The following CFAP47 variants were observed in gnomAD, a reference collection of about 807,000 sequenced individuals.
CFAP47 encodes cilia- and flagella-associated protein 47.
A neutral mutation model predicts 148.1 loss-of-function variants in CFAP47; 29 were observed. The ratio of observed to expected loss-of-function variants is 0.20; its 90% CI spans 0.15 to 0.27. The LOEUF is 0.27. CFAP47 is among the 10% of genes least tolerant of loss of function. The pLI is 1.00. For synonymous variants in CFAP47, 664 were observed against 577.3 expected, an observed-to-expected ratio of 1.15 and a Z score of -2.15; for missense variants, 1,872 against 1,697.5, an observed-to-expected ratio of 1.10 and a Z score of -1.81.
At chrX:35,961,056 C>T (rs1936323500) in intron 8 of CFAP47, among the ~76,000 whole-genome samples, 1 of 111,130 alleles carries the variant, frequency 9.0e-6, no homozygotes, top group Admixed American at 9.6e-5. Context: ...TTGCATGTTT[C>T]TATTATGGAA....
intron 29 of CFAP47, among the ~76,000 whole-genome samples, chrX:36,080,592 A>G (rs1937958206): frequency 8.9e-6 from 1 of 111,963 alleles, no homozygotes; most frequent in Admixed American, 9.5e-5. Context: ...ATGGAATACT[A>G]TGAAGCCACA....
intron 33 of CFAP47, among the ~76,000 whole-genome samples, chrX:36,134,377 AAT>A (rs1187943536): frequency 9.0e-6 from 1 of 111,543 alleles, no homozygotes; most frequent in Non-Finnish European, 1.9e-5. Flanking sequence ...AGGCGGAAGA[AAT>A]TCTGAAACTA....
chrX:36,325,017 C>T (rs1291087349), intron 57 of CFAP47, among the ~76,000 whole-genome samples: 1 of 111,255 alleles, frequency 9.0e-6, no homozygotes, highest in Admixed American at 9.6e-5. Context: ...ATTATCCAGC[C>T]TTATTCCTTT....
intron 48 of CFAP47, among the ~76,000 whole-genome samples, chrX:36,250,971 C>A (rs1272383205): frequency 9.0e-6 from 1 of 110,948 alleles, no homozygotes; most frequent in Non-Finnish European, 1.9e-5. Context: ...TGAAATGATT[C>A]ATCTCTTTTG....
At chrX:36,046,413 C>A (rs147421867) in intron 25 of CFAP47, among the ~76,000 whole-genome samples, 15 of 110,174 alleles carry the variant, frequency 1.4e-4, no homozygotes, top group African/African-American at 4.9e-4. Context: ...TGTATATATG[C>A]GCTTAATAGT....
At chrX:36,329,630 TATC>T (rs1455535785) in intron 57 of CFAP47, among the ~76,000 whole-genome samples, 2 of 112,324 alleles carry the variant, frequency 1.8e-5, no homozygotes, top group African/African-American at 6.5e-5. Context: ...AGTTGAAAAA[TATC>T]ATTTCTGGCA....
At chrX:36,241,336 G>A (rs1488735426) in intron 48 of CFAP47, among the ~76,000 whole-genome samples, 2 of 111,618 alleles carry the variant, frequency 1.8e-5, no homozygotes, top group African/African-American at 6.5e-5. Flanking sequence ...AGGCCCCAGG[G>A]ATCCCCATCT....
At chrX:36,003,536 T>C (rs1456496080) in intron 21 of CFAP47, among the ~76,000 whole-genome samples, 2 of 110,667 alleles carry the variant, frequency 1.8e-5, no homozygotes, top group African/African-American at 3.3e-5. Flanking sequence ...TTTAAATTAG[T>C]CTTATAATTC....
intron 35 of CFAP47, among the ~76,000 whole-genome samples, chrX:36,142,100 T>C (rs778135129): frequency 8.9e-6 from 1 of 112,288 alleles, no homozygotes; most frequent in South Asian, 3.7e-4. Context: ...GGGAAGGCAT[T>C]CAATAGCTGT....
intron 35 of CFAP47, among the ~76,000 whole-genome samples, chrX:36,142,122 TA>T (rs1157036003): frequency 1.8e-5 from 2 of 112,063 alleles, no homozygotes; most frequent in African/African-American, 6.5e-5. Flanking sequence ...TTTGTAGGAT[TA>T]TAGTATATCA....
intron 51 of CFAP47, among the ~76,000 whole-genome samples, chrX:36,290,785 A>G (rs782619755): frequency 8.9e-6 from 1 of 112,455 alleles, no homozygotes; most frequent in Non-Finnish European, 1.9e-5. Context: ...AAAAGTCACT[A>G]AAGTAGCTGA....
intron 3 of CFAP47, among the ~76,000 whole-genome samples, chrX:35,943,608 A>T (rs1048218820): frequency 5.4e-5 from 6 of 111,613 alleles, no homozygotes; most frequent in Admixed American, 2.9e-4. Context: ...CTTTCTGAAG[A>T]CATGGTCCAT....
intron 36 of CFAP47, among the ~76,000 whole-genome samples, chrX:36,148,253 T>TA (rs1047643676): frequency 9.0e-6 from 1 of 111,483 alleles, no homozygotes; most frequent in African/African-American, 3.3e-5. Flanking sequence ...GATCATACAT[T>TA]ACCTGAGCAA....
chrX:36,351,728 C>T (rs782304010), intron 59 of CFAP47, among the ~76,000 whole-genome samples: 4 of 111,837 alleles, frequency 3.6e-5, no homozygotes, highest in Non-Finnish European at 5.7e-5. Flanking sequence ...CACAACCTAT[C>T]GCAACATTAA....
intron 7 of CFAP47, among the ~76,000 whole-genome samples, chrX:35,954,993 G>A (rs756025942): frequency 8.9e-6 from 1 of 111,962 alleles, no homozygotes; most frequent in Non-Finnish European, 1.9e-5. Flanking sequence ...TCCCAAGTGA[G>A]TTCTTTAAGC....
At position 36,228,800 on chromosome X, in the gene CFAP47, A is replaced by C; in HGVS notation, c.6990A>C (p.Glu2330Asp). ...TTGAGTTTGAAACACCAGCATTTGA[A>C]GCCCTTACTCAGAATATTCCAATAG... ...AKFEFETPAF[E>D]ALTQNIPIKN... is the part of the protein sequence containing the mutation. The change falls in exon 46 of 64, where the codon GAA becomes GAC. Residue 2330 changes from glutamate to aspartate, a missense_variant. Physicochemically the swap from Glu to Asp is conservative, Grantham distance 45 (BLOSUM62 2). Transcript: ENST00000378653. The C allele has an allele frequency of 1.9e-6, 1 of 524,752 alleles. No homozygotes were observed. Among genetic ancestry groups the C allele is most frequent in the Non-Finnish European group, 3.5e-6 (1 of 286,134 alleles). 43.2% of individuals were successfully genotyped at this position (524,752 alleles called of 1,213,427 possible).
At chrX:35,981,646 CA>C (rs1280650473) in intron 15 of CFAP47, among the ~76,000 whole-genome samples, 1 of 111,290 alleles carries the variant, frequency 9.0e-6, no homozygotes, top group East Asian at 2.8e-4. Context: ...TAGTACCCAA[CA>C]AGTAGTTTTC....
At chrX:36,132,384 C>T (rs904779587) in intron 33 of CFAP47, among the ~76,000 whole-genome samples, 5 of 111,721 alleles carry the variant, frequency 4.5e-5, no homozygotes, top group African/African-American at 1.3e-4. Context: ...ACGTCTCAGA[C>T]GATAATGTGA....
chrX:35,983,492 A>G (rs887420538), intron 15 of CFAP47, among the ~76,000 whole-genome samples: 19 of 111,901 alleles, frequency 1.7e-4, no homozygotes, highest in Non-Finnish European at 1.5e-4. Flanking sequence ...TACACTGAAT[A>G]GAAGTTGTGG....
Sources: allele counts gnomAD v4.1 joint callset (sites outside exome capture counted in the v4.1 genomes callset), GRCh38; gene constraint gnomAD v4.1.1; transcripts MANE v1.5; gene names NCBI Gene and HGNC (gene_info 2026-07-23, HGNC 2026-07-21).